ATAD2: variants seen among roughly 807,000 people sequenced by gnomAD.
ATAD2 encodes ATPase family AAA domain containing 2.
ATAD2 carries 62 observed loss-of-function variants against 168.9 expected under a neutral mutation model. The ratio of observed to expected loss-of-function variants is 0.37; its 90% CI spans 0.30 to 0.45. The LOEUF is 0.45. Ranked by LOEUF, ATAD2 falls within the 20% of genes least tolerant of loss-of-function variation. The pLI is 1.00. For missense variants in ATAD2, 1,419 were observed against 1,667.8 expected, an observed-to-expected ratio of 0.85 and a Z score of 2.60; for synonymous variants, 613 against 571.6, an observed-to-expected ratio of 1.07 and a Z score of -1.03.
intron 13 of ATAD2, among the ~76,000 whole-genome samples, chr8:123,355,926 CT>C (rs1342206995): frequency 2.0e-5 from 3 of 151,030 alleles, no homozygotes; most frequent in Middle Eastern, 3.2e-3. Context: ...AGCAGGTTTA[CT>C]TTTTTTTTGA....
intron 14 of ATAD2, 105 bp from the exon 15 acceptor site, chr8:123,348,378 G>T: frequency 1.1e-6 from 1 of 948,694 alleles, no homozygotes; most frequent in Non-Finnish European, 1.5e-6. Flanking sequence ...ATTTTAAAGT[G>T]ATCAGTACTT....
chr8:123,350,104 G>A (rs1345842742), intron 13 of ATAD2, among the ~76,000 whole-genome samples: 2 of 152,054 alleles, frequency 1.3e-5, no homozygotes, highest in Non-Finnish European at 2.9e-5. Flanking sequence ...AATTTCCACT[G>A]TATATACATT....
chr8:123,362,210 T>A (rs1828846654), intron 8 of ATAD2, among the ~76,000 whole-genome samples: 1 of 150,706 alleles, frequency 6.6e-6, no homozygotes, highest in Middle Eastern at 3.4e-3. Flanking sequence ...AGAGATTTGC[T>A]TGAGCCTGGG....
In ATAD2 at chr8:123,361,534, C is replaced by A. The variant is rs144229468; in HGVS notation, c.1157+5G>T. ...AGTTTAAAAAGGCATCAATATGGCA[C>A]TTACCTATTGATAGCCCTATTACGA... On this transcript the variant is annotated splice_donor_5th_base_variant and intron_variant, in intron 9 of 27. Coordinates refer to ENST00000287394, the MANE Select transcript of ATAD2 (RefSeq NM_014109.4). 471 of 1,603,694 alleles carry A rather than the reference C, an allele frequency of 2.9e-4. 2 individuals carry two copies. The African/African-American group carries it at 5.7e-3, about 19-fold the overall frequency.
chr8:123,324,463 T>G (rs1298679983), intron 26 of ATAD2, among the ~76,000 whole-genome samples: 6 of 152,212 alleles, frequency 3.9e-5, no homozygotes. Context: ...TCAATCTTAT[T>G]TCAAATATGT....
At chr8:123,330,307 T>G (rs1313663411) in intron 24 of ATAD2, among the ~76,000 whole-genome samples, 1 of 151,432 alleles carries the variant, frequency 6.6e-6, no homozygotes, top group Non-Finnish European at 1.5e-5. Context: ...AGTGATTTTC[T>G]TAATGGTGTT....
At chr8:123,401,142 A>C (rs528566016), upstream of ATAD2, 52 of 1,174,910 alleles carry the variant, frequency 4.4e-5, no homozygotes, top group African/African-American at 7.2e-4. Context: ...TGGTGGCTCC[A>C]GCAGGAGTGA....
At chr8:123,409,763 A>C (rs1467819791) in intron 1 of ATAD2, among the ~76,000 whole-genome samples, 3 of 151,652 alleles carry the variant, frequency 2.0e-5, no homozygotes, top group Non-Finnish European at 4.4e-5. Context: ...GGGTTGGTTT[A>C]GTTTTGTACT....
intron 4 of ATAD2, 24 bp from the exon 5 acceptor site, chr8:123,371,362 A>G (rs1253397397): frequency 6.5e-7 from 1 of 1,545,100 alleles, no homozygotes; most frequent in East Asian, 2.3e-5. Flanking sequence ...ATATAAATGT[A>G]AGTGAAAATT....
At chr8:123,393,184 C>CAAA (rs60028341) in intron 1 of ATAD2, among the ~76,000 whole-genome samples, 3 of 88,218 alleles carry the variant, frequency 3.4e-5, no homozygotes, top group African/African-American at 1.3e-4. Flanking sequence ...AACTCCATCT[C>CAAA]AAAAAAAAAA....
chr8:123,362,752 T>C (rs1272107009), intron 8 of ATAD2, among the ~76,000 whole-genome samples: 1 of 152,092 alleles, frequency 6.6e-6, no homozygotes, highest in Non-Finnish European at 1.5e-5. Context: ...GACATGAGAT[T>C]TTATGTAAAC....
Position 123,369,111 on chromosome 8 carries a change from T to C in ATAD2, c.996A>G (p.Arg332=). 2.5e-6 allele frequency: 4 copies of C among 1,598,392 alleles called. No individual in the cohort carries two copies. The highest frequency in any genetic ancestry group is 3.4e-6 in the Non-Finnish European group (4 of 1,170,020). Residue 332 remains arginine, a synonymous_variant, in exon 8 of 28, where the codon AGA becomes AGG. Transcript: ENST00000287394. ...TTGGTCCTGCGGAAGATAATCGGTA[T>C]CTTGGTCTTGCAGGAGAAGCTGGGC... ...YSGPASPARP[R]YRLSSAGPRS... is the part of the protein sequence containing the mutation.
chr8:123,329,328 C>T (rs1310756286), intron 24 of ATAD2, among the ~76,000 whole-genome samples: 1 of 152,120 alleles, frequency 6.6e-6, no homozygotes, highest in Non-Finnish European at 1.5e-5. Context: ...AATCTTGGCG[C>T]ACTACAACCC....
In ATAD2 at chr8:123,371,409, C is replaced by T. The variant is rs1379116155; in HGVS notation, c.537-71G>A. The T allele has an allele frequency of 3.2e-6, 4 of 1,248,116 alleles. No individual in the cohort carries two copies. The African/African-American group carries it at 4.6e-5, about 14-fold the overall frequency. 77.3% of individuals were successfully genotyped at this position (1,248,116 alleles called of 1,614,324 possible). ...GCAGAATTTTAAAAACTTTATTTTTCTTCCATTGCAAACTTTTGGCACTAA... is the reference window on the plus strand; with the variant it reads ...GCAGAATTTTAAAAACTTTATTTTTTTTCCATTGCAAACTTTTGGCACTAA... On this transcript the variant is annotated intron_variant, in intron 4 of 27. Coordinates refer to ENST00000287394, the MANE Select transcript of ATAD2 (RefSeq NM_014109.4).
chr8:123,361,743 T>G, intron 8 of ATAD2, 97 bp from the exon 9 acceptor site: 1 of 952,658 alleles, frequency 1.0e-6, no homozygotes, highest in African/African-American at 1.6e-5. Context: ...TCCAAAAAGT[T>G]TATCATAAAA....
intron 11 of ATAD2, 128 bp downstream of exon 11, chr8:123,359,093 A>T: frequency 1.7e-6 from 1 of 590,958 alleles, no homozygotes. Context: ...TTCAGAGAGA[A>T]AAGTTGTATA....
At chr8:123,333,453 G>A (rs1211011335) in intron 24 of ATAD2, among the ~76,000 whole-genome samples, 4 of 146,344 alleles carry the variant, frequency 2.7e-5, no homozygotes, top group Admixed American at 2.1e-4. Flanking sequence ...GAATTACAGT[G>A]CTAAAATCTG....
intron 9 of ATAD2, among the ~76,000 whole-genome samples, chr8:123,360,316 CCTAA>C (rs1183345553): frequency 6.6e-6 from 1 of 152,088 alleles, no homozygotes; most frequent in Non-Finnish European, 1.5e-5. Context: ...AAGCAAGTTC[CCTAA>C]CTACTTCCTT....
chr8:123,395,640 T>C (rs974825756), intron 1 of ATAD2, among the ~76,000 whole-genome samples: 17 of 152,224 alleles, frequency 1.1e-4, no homozygotes, highest in Non-Finnish European at 2.2e-4. Flanking sequence ...CATGAAATGT[T>C]GGTCTTCATC....
Sources: allele counts gnomAD v4.1 joint callset (sites outside exome capture counted in the v4.1 genomes callset), GRCh38; gene constraint gnomAD v4.1.1; transcripts MANE v1.5; gene names NCBI Gene and HGNC (gene_info 2026-07-23, HGNC 2026-07-21).